Variants in KCTD8 observed in about 807,000 individuals in gnomAD.
The protein encoded by KCTD8 is potassium channel tetramerization domain containing 8.
KCTD8 carries 27 observed loss-of-function variants against 31.5 expected under a neutral mutation model. The observed-to-expected ratio is 0.86, with a 90% CI of 0.63 to 1.18. The LOEUF (loss-of-function observed/expected upper bound fraction) is 1.18, where lower values mean the gene tolerates loss of function less well. Ranked by LOEUF, KCTD8 falls within the 50% of genes most tolerant of loss-of-function variation. The probability of loss-of-function intolerance (pLI) is 0.00; values close to 1 mark genes in which losing one functional copy is unlikely to be tolerated. For synonymous variants in KCTD8, 290 were observed against 280.0 expected (o/e 1.04, Z -0.36); for missense variants, 658 against 647.7 (o/e 1.02, Z -0.17).
At chr4:44,375,449 A>C (rs1263027082) in intron 1 of KCTD8, among the ~76,000 whole-genome samples, 2 of 152,146 alleles carry the variant, frequency 1.3e-5, no homozygotes, top group Non-Finnish European at 2.9e-5. Context: ...GAGTCAGGAA[A>C]CAAGTGCAAT....
Position 44,424,142 on chromosome 4 carries a change from A to G in KCTD8, c.961+23421T>C, listed in dbSNP as rs184295956. 1.7e-3 allele frequency among the ~76,000 whole-genome samples: 266 copies of G among 152,188 alleles called. 5 individuals carry two copies. Among genetic ancestry groups the G allele is most frequent in the Admixed American group, 0.015 (233 of 15,256 alleles). On this transcript the variant is annotated intron_variant, in intron 1 of 1. Transcript: ENST00000360029. ...GTCATTATCATGAATATCATTGTGT[A>G]AAATCAACGGGGTGACAATGTTTAC...
chr4:44,302,672 A>T (rs1409419407), intron 1 of KCTD8, among the ~76,000 whole-genome samples: 1 of 151,902 alleles, frequency 6.6e-6, no homozygotes, highest in East Asian at 1.9e-4. Context: ...AAACAGGGAC[A>T]ATTTGACTTC....
chr4:44,240,984 AG>A (rs1715442373), intron 1 of KCTD8, among the ~76,000 whole-genome samples: 5 of 152,222 alleles, frequency 3.3e-5, no homozygotes, highest in African/African-American at 9.6e-5. Context: ...GCAGAATCAC[AG>A]ATGGTTTTGA....
At chr4:44,332,105 C>G (rs534697814) in intron 1 of KCTD8, among the ~76,000 whole-genome samples, 1 of 151,836 alleles carries the variant, frequency 6.6e-6, no homozygotes. Flanking sequence ...GAAAGAAATG[C>G]TCTAAGTAAT....
chr4:44,390,044 T>C (rs575914799), intron 1 of KCTD8, among the ~76,000 whole-genome samples: 12 of 152,222 alleles, frequency 7.9e-5, no homozygotes, highest in African/African-American at 2.6e-4. Flanking sequence ...TAGTTCTTTG[T>C]CAGATGTATA....
intron 1 of KCTD8, among the ~76,000 whole-genome samples, chr4:44,182,618 C>G (rs529939061): frequency 1.4e-3 from 215 of 152,182 alleles, no homozygotes; most frequent in Non-Finnish European, 2.5e-3. Flanking sequence ...TCAGCACTCC[C>G]TAATCTCAAG....
chr4:44,242,882 C>T (rs1715546884), intron 1 of KCTD8, among the ~76,000 whole-genome samples: 1 of 152,082 alleles, frequency 6.6e-6, no homozygotes, highest in Non-Finnish European at 1.5e-5. Flanking sequence ...CTCTGTCTTT[C>T]ACCATGAGTA....
At chr4:44,295,977 C>T (rs1455292825) in intron 1 of KCTD8, among the ~76,000 whole-genome samples, 2 of 152,188 alleles carry the variant, frequency 1.3e-5, no homozygotes, top group African/African-American at 4.8e-5. Flanking sequence ...TGAAACTACT[C>T]TACCCAACTG....
intron 1 of KCTD8, among the ~76,000 whole-genome samples, chr4:44,182,807 AT>A (rs1219638999): frequency 5.3e-5 from 8 of 152,158 alleles, no homozygotes; most frequent in African/African-American, 1.9e-4. Context: ...AAATAAATAA[AT>A]AAAAACCTAC....
At chr4:44,261,145 G>A (rs915637617) in intron 1 of KCTD8, among the ~76,000 whole-genome samples, 4 of 151,908 alleles carry the variant, frequency 2.6e-5, no homozygotes, top group East Asian at 1.9e-4. Flanking sequence ...AATGAAGGAC[G>A]GTGGCAAGAT....
At chr4:44,306,023 G>A (rs1318447381) in intron 1 of KCTD8, among the ~76,000 whole-genome samples, 1 of 151,288 alleles carries the variant, frequency 6.6e-6, no homozygotes, top group Non-Finnish European at 1.5e-5. Flanking sequence ...TAATAATATT[G>A]CATATAAAAA....
intron 1 of KCTD8, among the ~76,000 whole-genome samples, chr4:44,270,468 C>T (rs977587335): frequency 8.6e-5 from 13 of 151,480 alleles, no homozygotes; most frequent in Non-Finnish European, 1.8e-4. Flanking sequence ...GTGCAGCACA[C>T]CAGCATGGCA....
intron 1 of KCTD8, among the ~76,000 whole-genome samples, chr4:44,369,585 C>A (rs983963656): frequency 6.6e-6 from 1 of 152,164 alleles, no homozygotes; most frequent in African/African-American, 2.4e-5. Flanking sequence ...GTGGGTGGAT[C>A]ACTTGAGCCC....
Position 44,289,615 on chromosome 4 carries a change from C to T in KCTD8, c.962-114365G>A, listed in dbSNP as rs1362723249. ...AGTGAAGAGATGGTGAGGCAACCCA[C>T]TCTTGCTGTGAAATGTTGGGATCCT... On this transcript the variant is annotated intron_variant, in intron 1 of 1. Transcript: ENST00000360029. 2.6e-5 allele frequency among the ~76,000 whole-genome samples: 4 copies of T among 152,254 alleles called. No homozygotes were observed. The South Asian group carries it at 6.2e-4, about 24-fold the overall frequency.
intron 1 of KCTD8, among the ~76,000 whole-genome samples, chr4:44,182,212 G>A (rs1291732608): frequency 6.7e-6 from 1 of 148,718 alleles, no homozygotes; most frequent in East Asian, 2.1e-4. Context: ...CCGGGAGGTG[G>A]GGGGCACCTC....
intron 1 of KCTD8, among the ~76,000 whole-genome samples, chr4:44,336,179 A>AAAAATAT (rs1221720552): frequency 5.3e-5 from 8 of 149,808 alleles, no homozygotes; most frequent in Non-Finnish European, 1.0e-4. Flanking sequence ...AAAAAAAAGA[A>AAAAATAT]AAAATATAAA....
At chr4:44,430,303 A>G (rs943611774) in intron 1 of KCTD8, among the ~76,000 whole-genome samples, 2 of 151,746 alleles carry the variant, frequency 1.3e-5, no homozygotes, top group South Asian at 4.1e-4. Context: ...CAGAGGAGCA[A>G]GAGTGTTCAG....
At chr4:44,396,993 G>A (rs1190030518) in intron 1 of KCTD8, among the ~76,000 whole-genome samples, 1 of 151,966 alleles carries the variant, frequency 6.6e-6, no homozygotes, top group Non-Finnish European at 1.5e-5. Context: ...AAGCTAAAAG[G>A]AGCCTGGCTT....
chr4:44,337,805 C>T (rs1718792690), intron 1 of KCTD8, among the ~76,000 whole-genome samples: 1 of 151,504 alleles, frequency 6.6e-6, no homozygotes, highest in African/African-American at 2.4e-5. Context: ...CAAAATTGTA[C>T]AAATGACACG....
Sources: allele counts gnomAD v4.1 joint callset (sites outside exome capture counted in the v4.1 genomes callset), GRCh38; gene constraint gnomAD v4.1.1; transcripts MANE v1.5; gene names NCBI Gene and HGNC (gene_info 2026-07-23, HGNC 2026-07-21).